FBLN1: variants seen among roughly 807,000 people sequenced by gnomAD.
FBLN1 encodes the protein fibulin-1.
In FBLN1, 34 loss-of-function variants were observed where a neutral mutation model predicts 89.7. The ratio of observed to expected loss-of-function variants is 0.38; its 90% confidence interval spans 0.29 to 0.50. The LOEUF is 0.50. FBLN1 is among the 20% of genes least tolerant of loss of function. The pLI is 0.92. For missense variants in FBLN1, 777 were observed against 988.1 expected (o/e 0.79, Z 2.86); for synonymous variants, 393 against 391.3 (o/e 1.00, Z -0.05).
rs9626168 is a variant in FBLN1, at chr22:45,530,891, G to A, written c.485-374G>A. Reference sequence around the variant, plus strand: ...CGATTATCCTGCCTCAACTTCCTGAGTACCTGAGATTACAGGTGCATGCCG... The same window carrying A: ...CGATTATCCTGCCTCAACTTCCTGAATACCTGAGATTACAGGTGCATGCCG... On this transcript the variant is annotated intron_variant, in intron 4 of 16. Transcript: ENST00000327858. This position sits in a 1 kb window ranked among gnomAD's most constrained non-coding sequence, Gnocchi z 5.4. 2.4e-4 allele frequency among the ~76,000 whole-genome samples: 37 copies of A among 152,058 alleles called. No homozygotes were observed. Among genetic ancestry groups the A allele is most frequent in the African/African-American group, 8.7e-4 (36 of 41,468 alleles).
At position 45,535,218 on chromosome 22, in the gene FBLN1, G is replaced by A. The variant is rs754315869; in HGVS notation, c.803G>A (p.Ser268Asn). The A allele has an allele frequency of 9.9e-5, 160 of 1,614,078 alleles. No homozygotes were observed. The highest frequency in any genetic ancestry group is 1.3e-4 in the Non-Finnish European group (159 of 1,180,044). Residue 268 changes from serine to asparagine, a missense_variant, in exon 8 of 17, where the codon AGT (serine) becomes AAT (asparagine). By Grantham distance (46) the Ser-to-Asn change is conservative. Coordinates refer to ENST00000327858, the MANE Select transcript of FBLN1 (RefSeq NM_006486.3). The part of the protein sequence containing the change: ...NSCKDIDECE[S>N]GIHNCLPDFI... ...GTACCAGATATTGACGAGTGTGAGA[G>A]TGGTATTCATAACTGCCTCCCCGAT...
rs1286853800 is a variant in FBLN1 at position 45,550,372 on chromosome 22, G to A, written c.1574-120G>A. The A allele has an allele frequency of 1.7e-5, 23 of 1,393,188 alleles. No individual in the cohort carries two copies. The highest frequency in any genetic ancestry group is 2.3e-5 in the Non-Finnish European group (23 of 989,836). 86.3% of individuals were successfully genotyped at this position (1,393,188 alleles called of 1,614,324 possible). A position where few individuals can be genotyped will look rare whatever the true frequency, so the allele number is the denominator to read the frequency against. ...TCTGAAGATCAGCCAGTGGAGGGCA[G>A]GGATGGCCTGATCGCCACCCCTAAC... On this transcript the variant is annotated intron_variant, in intron 13 of 16. Transcript: ENST00000327858. This position sits in a 1 kb window ranked among gnomAD's most constrained non-coding sequence, Gnocchi z 8.4.
chr22:45,560,674 G>A (rs2088840369), intron 14 of FBLN1, among the ~76,000 whole-genome samples: 1 of 152,060 alleles, frequency 6.6e-6, no homozygotes, highest in Non-Finnish European at 1.5e-5. Context: ...ACCATTCTCC[G>A]ACACCCTTAA....
rs1461558553 is a variant in FBLN1, at chr22:45,561,224, G to A, written c.1697+10609G>A. On this transcript the variant is annotated intron_variant, in intron 14 of 16. Coordinates refer to ENST00000327858, the MANE Select transcript of FBLN1 (RefSeq NM_006486.3). The surrounding 1 kb of genome is among the most constrained non-coding windows in gnomAD (Gnocchi z 4.7). Reference sequence around the variant, plus strand: ...AGCCACTCGCATGATAAGAGCTTGTGTCTGTTTTTCCACAATTTCAGCTCT... The same window carrying A: ...AGCCACTCGCATGATAAGAGCTTGTATCTGTTTTTCCACAATTTCAGCTCT... Among the ~76,000 whole-genome samples the A allele has an allele frequency of 6.6e-6, 1 of 152,178 alleles. No individual in the cohort carries two copies. The highest frequency in any genetic ancestry group is 2.1e-4 in the South Asian group (1 of 4,828).
intron 16 of FBLN1, among the ~76,000 whole-genome samples, chr22:45,587,285 A>C (rs988882804): frequency 3.5e-5 from 5 of 143,300 alleles, no homozygotes; most frequent in Non-Finnish European, 7.5e-5. Flanking sequence ...AGACGTCCTC[A>C]GCCCAGAGCC....
In FBLN1 at chr22:45,572,995, G is replaced by C. The variant is rs566233962; in HGVS notation, c.1698-1516G>C. Reference sequence around the variant, plus strand: ...TAATCCCAACACTTTGGGAGGCCAAGGTGGGTGGGTCACCTGAGGTCAGGA... The same window carrying C: ...TAATCCCAACACTTTGGGAGGCCAACGTGGGTGGGTCACCTGAGGTCAGGA... On this transcript the variant is annotated intron_variant, in intron 14 of 16. Coordinates refer to ENST00000327858, the MANE Select transcript of FBLN1 (RefSeq NM_006486.3). This position sits in a 1 kb window ranked among gnomAD's most constrained non-coding sequence, Gnocchi z 5.8. Among the ~76,000 whole-genome samples, 604 of 152,360 alleles carry C rather than the reference G, an allele frequency of 4.0e-3. 4 individuals are homozygous for C. Among genetic ancestry groups the C allele is most frequent in the African/African-American group, 0.014 (587 of 41,574 alleles).
At position 45,536,286 on chromosome 22, in the gene FBLN1, T is replaced by C. The variant is rs2088481700; in HGVS notation, c.922+949T>C. Among the ~76,000 whole-genome samples the C allele has an allele frequency of 6.6e-6, 1 of 151,204 alleles. No individual in the cohort carries two copies. The highest frequency in any genetic ancestry group is 1.5e-5 in the Non-Finnish European group (1 of 67,770). On this transcript the variant is annotated intron_variant, in intron 8 of 16. Transcript: ENST00000327858. The surrounding 1 kb of genome is among the most constrained non-coding windows in gnomAD (Gnocchi z 5.1). ...GCTGGGCAGGGTGGGGGATGGGGAG[T>C]GAGTGTTTCCTGGGCGCAGAGTTTC... is the stretch of plus-strand genomic sequence containing the variant.
At chr22:45,585,028 C>A (rs75939739) in intron 16 of FBLN1, among the ~76,000 whole-genome samples, 13,121 of 152,306 alleles carry the variant, frequency 0.086, 669 homozygotes, top group Middle Eastern at 0.19. Flanking sequence ...AAGCTCCCCA[C>A]CAGCATCCAT....
At position 45,572,065 on chromosome 22, in the gene FBLN1, G is replaced by T. The variant is rs970432602; in HGVS notation, c.1698-2446G>T. Among the ~76,000 whole-genome samples the T allele has an allele frequency of 6.6e-6, 1 of 152,072 alleles. No homozygotes were observed. The highest frequency in any genetic ancestry group is 1.5e-5 in the Non-Finnish European group (1 of 68,016). ...AATCACTTGAACCCGGGAGGTGGAG[G>T]TTGCAGTGAGCCGATATCGCACCAC... On this transcript the variant is annotated intron_variant, in intron 14 of 16. Coordinates refer to ENST00000327858, the MANE Select transcript of FBLN1 (RefSeq NM_006486.3). The surrounding 1 kb of genome is among the most constrained non-coding windows in gnomAD (Gnocchi z 5.8).
intron 16 of FBLN1, among the ~76,000 whole-genome samples, chr22:45,591,917 AG>A (rs1316958198): frequency 1.5e-5 from 2 of 132,686 alleles, no homozygotes; most frequent in African/African-American, 5.4e-5. Flanking sequence ...TGCAGACAGG[AG>A]GGAGGAAGTG....
At chr22:45,565,035 C>A in intron 14 of FBLN1, 1 of 1,610,794 alleles carries the variant, frequency 6.2e-7, no homozygotes, top group Non-Finnish European at 8.5e-7. Context: ...CCACACCTTG[C>A]GCTGAGCAGC....
intron 14 of FBLN1, among the ~76,000 whole-genome samples, chr22:45,559,034 T>A (rs1602208831): frequency 1.3e-5 from 2 of 152,272 alleles, no homozygotes; most frequent in East Asian, 3.9e-4. Flanking sequence ...ATGAATAAGA[T>A]TATGACACAA....
intron 4 of FBLN1, among the ~76,000 whole-genome samples, chr22:45,529,112 C>T (rs904936943): frequency 6.6e-6 from 1 of 152,230 alleles, no homozygotes; most frequent in Non-Finnish European, 1.5e-5. Context: ...CTTGCTCCCA[C>T]TTCTTGGGTG....
chr22:45,601,037 C>T lies in FBLN1; in HGVS notation c.*591C>T, dbSNP rs73447101. ...AGCCTGTTAGGCTCGTGTGGGCCTC[C>T]AGTATGTTCACCAGGGGAATGGCTG... is the stretch of plus-strand genomic sequence containing the variant. On this transcript the variant is annotated 3_prime_UTR_variant, in exon 17 of 17. Coordinates refer to ENST00000327858, the MANE Select transcript of FBLN1 (RefSeq NM_006486.3). The T allele has an allele frequency of 8.7e-3, 1,429 of 164,692 alleles. 18 individuals are homozygous for T. The highest frequency in any genetic ancestry group is 0.032 in the African/African-American group (1,332 of 41,570). 10.2% of individuals were successfully genotyped at this position (164,692 alleles called of 1,614,324 possible). A position where few individuals can be genotyped will look rare whatever the true frequency, so the allele number is the denominator to read the frequency against.
chr22:45,527,938 A>G lies in FBLN1; in HGVS notation c.413A>G (p.Gln138Arg), dbSNP rs759041639. The change falls in exon 4 of 17, where the codon CAG becomes CGG. Residue 138 changes from glutamine (Q) to arginine (R), a missense_variant. Transcript: ENST00000327858. ...YSLMVGYQCGQVFQACCVKSQ... is the reference protein window; with the variant it reads ...YSLMVGYQCGRVFQACCVKSQ... Reference sequence around the variant, plus strand: ...CTCATGGTTGGCTACCAGTGTGGACAGGTCTTCCAGGCATGCTGTGTCAAG... The same window carrying G: ...CTCATGGTTGGCTACCAGTGTGGACGGGTCTTCCAGGCATGCTGTGTCAAG... 3 of 1,614,192 alleles carry G rather than the reference A, an allele frequency of 1.9e-6. No homozygotes were observed. The highest frequency in any genetic ancestry group is 2.5e-6 in the Non-Finnish European group (3 of 1,180,024).
At chr22:45,571,654 G>A (rs550230761) in intron 14 of FBLN1, among the ~76,000 whole-genome samples, 1 of 152,216 alleles carries the variant, frequency 6.6e-6, no homozygotes, top group Non-Finnish European at 1.5e-5. Flanking sequence ...ATGTGCCTTT[G>A]TAATACAGAA....
chr22:45,548,762 C>G lies in FBLN1; in HGVS notation c.1573+18C>G. ...CTGCCAAGGTGAGCAGGAGGGATGC[C>G]CTGGGGTCCCTCACGCTCTGCTTGG... On this transcript the variant is annotated intron_variant, in intron 13 of 16. Coordinates refer to ENST00000327858, the MANE Select transcript of FBLN1 (RefSeq NM_006486.3). 1 of 1,611,902 alleles carries G rather than the reference C, an allele frequency of 6.2e-7. No homozygotes were observed. Among genetic ancestry groups the G allele is most frequent in the East Asian group, 2.2e-5 (1 of 44,876 alleles).
At position 45,537,233 on chromosome 22, in the gene FBLN1, C is replaced by T. The variant is rs1028793314; in HGVS notation, c.922+1896C>T. Among the ~76,000 whole-genome samples the T allele has an allele frequency of 8.5e-5, 13 of 152,158 alleles. No individual in the cohort carries two copies. Among genetic ancestry groups the T allele is most frequent in the Non-Finnish European group, 2.9e-5 (2 of 68,034 alleles). On this transcript the variant is annotated intron_variant, in intron 8 of 16. Coordinates refer to ENST00000327858, the MANE Select transcript of FBLN1 (RefSeq NM_006486.3). This position sits in a 1 kb window ranked among gnomAD's most constrained non-coding sequence, Gnocchi z 5.7. ...TGCTTCGATTTCAACTTTTCCTTAGCGAAATCTGTATTGATCATTTATTTG... is the reference window on the plus strand; with the variant it reads ...TGCTTCGATTTCAACTTTTCCTTAGTGAAATCTGTATTGATCATTTATTTG...
intron 16 of FBLN1, among the ~76,000 whole-genome samples, chr22:45,582,974 G>A (rs1894616): frequency 0.016 from 2,488 of 152,272 alleles, 53 homozygotes; most frequent in African/African-American, 0.055. Flanking sequence ...TGGAGACTTC[G>A]CTGGCAGTTT....
Sources: gnomAD v4.1 joint callset for allele counts (sites outside exome capture counted in the v4.1 genomes callset) on GRCh38, gnomAD v4.1.1 for gene constraint, Gnocchi (gnomAD v3.1) non-coding constraint, MANE v1.5 for transcripts, NCBI Gene and HGNC (gene_info 2026-07-23, HGNC 2026-07-21) for gene names.